The following LINGO2 variants were observed in gnomAD, a reference collection of about 807,000 sequenced individuals.
The protein encoded by LINGO2 is leucine-rich repeat and immunoglobulin-like domain-containing nogo receptor-interacting protein 2.
A neutral mutation model predicts 30.6 loss-of-function variants in LINGO2; 14 were observed. That is an observed-to-expected ratio of 0.46 (90% CI 0.30 to 0.72). LINGO2 has a LOEUF of 0.72. LINGO2 is among the 30% of genes least tolerant of loss of function. The pLI is 0.07. For synonymous variants in LINGO2, 317 were observed against 288.5 expected (o/e 1.10, Z -1.00); for missense variants, 729 against 751.7 (o/e 0.97, Z 0.35).
chr9:29,159,493 T>C, the LINGO2 span, among the ~76,000 whole-genome samples: 1 of 152,212 alleles, frequency 6.6e-6, no homozygotes, highest in Non-Finnish European at 1.5e-5. Flanking sequence ...CCTAAAAGCA[T>C]AACTTATCAT....
At chr9:29,113,687 G>C in the LINGO2 span, among the ~76,000 whole-genome samples, 1 of 152,132 alleles carries the variant, frequency 6.6e-6, no homozygotes, top group African/African-American at 2.4e-5. Flanking sequence ...TAAACAAACA[G>C]GATCAAGATC....
chr9:28,310,988 A>C (rs562520917), intron 3 of LINGO2, among the ~76,000 whole-genome samples: 6 of 152,246 alleles, frequency 3.9e-5, no homozygotes, highest in East Asian at 1.9e-4. Context: ...ATTCAGCCAG[A>C]TATTGGGCGA....
intron 2 of LINGO2, among the ~76,000 whole-genome samples, chr9:28,434,927 A>G (rs1041577244): frequency 2.6e-5 from 4 of 152,120 alleles, no homozygotes; most frequent in South Asian, 2.1e-4. Context: ...TTACCATTCT[A>G]TTGTTAGCTT....
the LINGO2 span, among the ~76,000 whole-genome samples, chr9:29,051,589 G>A: frequency 6.6e-6 from 1 of 152,096 alleles, no homozygotes; most frequent in South Asian, 2.1e-4. Context: ...TTCATAGGCT[G>A]GGACATCATT....
At chr9:29,145,741 A>C in the LINGO2 span, among the ~76,000 whole-genome samples, 9 of 152,190 alleles carry the variant, frequency 5.9e-5, no homozygotes, top group African/African-American at 1.7e-4. Flanking sequence ...TGAAAGTGTA[A>C]TGTAAATTCC....
At chr9:28,936,178 T>G in the LINGO2 span, among the ~76,000 whole-genome samples, 1 of 152,214 alleles carries the variant, frequency 6.6e-6, no homozygotes, top group African/African-American at 2.4e-5. Flanking sequence ...ATAAGGAGAC[T>G]AATTTTTCAC....
the LINGO2 span, among the ~76,000 whole-genome samples, chr9:29,044,393 C>A: frequency 6.6e-6 from 1 of 152,040 alleles, no homozygotes; most frequent in African/African-American, 2.4e-5. Context: ...ATAACCACAG[C>A]TCCACTAAAG....
intron 4 of LINGO2, among the ~76,000 whole-genome samples, chr9:28,034,029 C>T (rs1022274238): frequency 6.6e-6 from 1 of 152,174 alleles, no homozygotes; most frequent in Non-Finnish European, 1.5e-5. Flanking sequence ...GATGCCTTAG[C>T]GAAGCTTCAT....
At chr9:28,407,547 C>A (rs1056884842) in intron 2 of LINGO2, among the ~76,000 whole-genome samples, 2 of 152,154 alleles carry the variant, frequency 1.3e-5, no homozygotes, top group Non-Finnish European at 2.9e-5. Context: ...TCTAAGGCCA[C>A]AGCACACAAC....
chr9:28,337,423 TA>T, intron 3 of LINGO2, among the ~76,000 whole-genome samples: 1 of 152,048 alleles, frequency 6.6e-6, no homozygotes, highest in East Asian at 1.9e-4. Flanking sequence ...TGATAGAAAA[TA>T]AAATTCCATT....
chr9:28,277,604 GA>G (rs1397024874), intron 4 of LINGO2, among the ~76,000 whole-genome samples: 2 of 152,072 alleles, frequency 1.3e-5, no homozygotes, highest in Non-Finnish European at 2.9e-5. Context: ...AGGAGTTTGA[GA>G]CCAGCCTGGC....
At chr9:28,052,698 C>CT (rs879781637) in intron 4 of LINGO2, among the ~76,000 whole-genome samples, 2 of 152,084 alleles carry the variant, frequency 1.3e-5, no homozygotes, top group Non-Finnish European at 2.9e-5. Flanking sequence ...CAGTTAGGGT[C>CT]TCCAAACTAC....
intron 4 of LINGO2, among the ~76,000 whole-genome samples, chr9:28,161,049 T>G (rs1468737835): frequency 6.6e-6 from 1 of 152,174 alleles, no homozygotes; most frequent in African/African-American, 2.4e-5. Context: ...TGCCATTGCA[T>G]CATTAACCAG....
intron 4 of LINGO2, among the ~76,000 whole-genome samples, chr9:28,081,449 C>G (rs1310901323): frequency 6.6e-6 from 1 of 152,064 alleles, no homozygotes; most frequent in Non-Finnish European, 1.5e-5. Flanking sequence ...GCTTGGTAGG[C>G]TTTCATGTGG....
At chr9:28,641,544 C>T (rs1827579964) in intron 1 of LINGO2, among the ~76,000 whole-genome samples, 1 of 152,122 alleles carries the variant, frequency 6.6e-6, no homozygotes, top group Non-Finnish European at 1.5e-5. Context: ...AGAGGAGACC[C>T]AACATAGATT....
At chr9:28,430,097 C>CGTGCGT (rs1554720068) in intron 2 of LINGO2, among the ~76,000 whole-genome samples, 4 of 47,154 alleles carry the variant, frequency 8.5e-5, no homozygotes, top group African/African-American at 2.9e-4. Context: ...CTGATTTCCA[C>CGTGCGT]GCGCGCGCGC....
chr9:28,235,171 C>CAG (rs202168985), intron 4 of LINGO2, among the ~76,000 whole-genome samples: 14 of 151,996 alleles, frequency 9.2e-5, no homozygotes, highest in African/African-American at 2.7e-4. Flanking sequence ...TGACTCACCA[C>CAG]AGAGAGAGAG....
the LINGO2 span, among the ~76,000 whole-genome samples, chr9:28,719,136 G>A: frequency 6.6e-6 from 1 of 151,880 alleles, no homozygotes; most frequent in Admixed American, 6.6e-5. Context: ...TCCTCCTACT[G>A]TCATGAAGGA....
intron 4 of LINGO2, among the ~76,000 whole-genome samples, chr9:28,290,386 C>A (rs1411731262): frequency 6.6e-6 from 1 of 152,144 alleles, no homozygotes; most frequent in African/African-American, 2.4e-5. Context: ...CTTTGGACTG[C>A]CTGAGGTCAT....
Sources: gnomAD v4.1 joint callset for allele counts (sites outside exome capture counted in the v4.1 genomes callset) on GRCh38, gnomAD v4.1.1 for gene constraint, MANE v1.5 for transcripts, NCBI Gene and HGNC (gene_info 2026-07-23, HGNC 2026-07-21) for gene names.